The following LRMDA variants were observed in gnomAD, a reference collection of about 807,000 sequenced individuals.
LRMDA encodes leucine rich melanocyte differentiation associated, also known as leucine-rich melanocyte differentiation-associated protein.
A neutral mutation model predicts 29.8 loss-of-function variants in LRMDA; 18 were observed. The ratio of observed to expected loss-of-function variants is 0.60; its 90% CI spans 0.42 to 0.90. The LOEUF (loss-of-function observed/expected upper bound fraction) is 0.90. Among genes scored for constraint, LRMDA ranks in the 40% least tolerant of loss-of-function variants. The pLI, the probability that LRMDA is intolerant of heterozygous loss-of-function variation, is 0.00. For missense variants in LRMDA, 273 were observed against 273.9 expected, an observed-to-expected ratio of 1.00 and a Z score of 0.02; for synonymous variants, 125 against 109.4, an observed-to-expected ratio of 1.14 and a Z score of -0.89.
intron 6 of LRMDA, among the ~76,000 whole-genome samples, chr10:76,353,099 C>A (rs1841197666): frequency 6.6e-6 from 1 of 152,060 alleles, no homozygotes; most frequent in Non-Finnish European, 1.5e-5. Context: ...TCCTTTGGTT[C>A]TAGCAGGTCT....
intron 5 of LRMDA, among the ~76,000 whole-genome samples, chr10:76,175,748 C>T (rs1021838021): frequency 6.6e-6 from 1 of 152,184 alleles, no homozygotes. Context: ...AAGGGCAGGG[C>T]AGACCCTGCA....
At chr10:75,678,474 C>T (rs975614062) in intron 2 of LRMDA, among the ~76,000 whole-genome samples, 1 of 152,150 alleles carries the variant, frequency 6.6e-6, no homozygotes, top group Non-Finnish European at 1.5e-5. Context: ...AATCCTGATG[C>T]TCTCATTTAT....
intron 6 of LRMDA, among the ~76,000 whole-genome samples, chr10:76,413,950 A>G (rs1219822996): frequency 6.6e-6 from 1 of 152,236 alleles, no homozygotes; most frequent in Non-Finnish European, 1.5e-5. Context: ...ACAATTTTGC[A>G]AACAAGGACT....
intron 2 of LRMDA, among the ~76,000 whole-genome samples, chr10:75,474,940 C>T (rs867666318): frequency 2.0e-5 from 3 of 152,122 alleles, no homozygotes; most frequent in Admixed American, 6.5e-5. Flanking sequence ...ACTGCAGGGC[C>T]GGTGTTGCTG....
chr10:75,945,079 G>A (rs906110622), intron 2 of LRMDA, among the ~76,000 whole-genome samples: 9 of 152,076 alleles, frequency 5.9e-5, no homozygotes, highest in African/African-American at 2.2e-4. Context: ...GGACATTGTA[G>A]ACAATACATT....
intron 1 of LRMDA, among the ~76,000 whole-genome samples, chr10:75,434,538 G>A (rs1844243855): frequency 1.3e-5 from 2 of 152,198 alleles, no homozygotes; most frequent in African/African-American, 4.8e-5. Flanking sequence ...AATCAGATTT[G>A]TACCTATGGT....
intron 2 of LRMDA, among the ~76,000 whole-genome samples, chr10:75,580,777 C>A (rs970256267): frequency 6.6e-6 from 1 of 152,164 alleles, no homozygotes; most frequent in East Asian, 1.9e-4. Context: ...CATCTACAAC[C>A]ATCTAGTCTT....
intron 5 of LRMDA, among the ~76,000 whole-genome samples, chr10:76,300,568 G>C (rs1468827820): frequency 6.6e-6 from 1 of 152,320 alleles, no homozygotes; most frequent in South Asian, 2.1e-4. Context: ...CAGTGTAACA[G>C]GTTCTCTGTC....
chr10:75,856,829 C>G (rs530834272), intron 2 of LRMDA, among the ~76,000 whole-genome samples: 3 of 152,060 alleles, frequency 2.0e-5, no homozygotes, highest in African/African-American at 7.2e-5. Flanking sequence ...AAGTTCTGGC[C>G]AGGGCAATCA....
At chr10:75,735,853 C>T (rs997545938) in intron 2 of LRMDA, among the ~76,000 whole-genome samples, 3 of 152,166 alleles carry the variant, frequency 2.0e-5, no homozygotes, top group East Asian at 1.9e-4. Context: ...ATCTACGGAT[C>T]GTGTGTGAGA....
intron 6 of LRMDA, among the ~76,000 whole-genome samples, chr10:76,393,081 T>A (rs1216599716): frequency 1.3e-5 from 2 of 152,166 alleles, no homozygotes; most frequent in Admixed American, 6.5e-5. Context: ...AATCCATTCA[T>A]TCATTGATGG....
intron 2 of LRMDA, among the ~76,000 whole-genome samples, chr10:75,489,981 T>C (rs751261133): frequency 3.1e-4 from 47 of 152,218 alleles, no homozygotes; most frequent in Non-Finnish European, 5.7e-4. Flanking sequence ...GGGATATTGA[T>C]AGAGGCAGTA....
intron 5 of LRMDA, among the ~76,000 whole-genome samples, chr10:76,228,487 G>A (rs1176915781): frequency 6.6e-6 from 1 of 152,128 alleles, no homozygotes; most frequent in Non-Finnish European, 1.5e-5. Context: ...CATAGGATTG[G>A]CGTTTTTCAG....
At chr10:75,916,745 T>C (rs1457769196) in intron 2 of LRMDA, among the ~76,000 whole-genome samples, 2 of 152,216 alleles carry the variant, frequency 1.3e-5, no homozygotes, top group Non-Finnish European at 2.9e-5. Flanking sequence ...CATCTCCAGG[T>C]GCGAAAACAC....
intron 2 of LRMDA, among the ~76,000 whole-genome samples, chr10:76,027,838 G>T (rs1848086487): frequency 6.6e-6 from 1 of 152,136 alleles, no homozygotes; most frequent in South Asian, 2.1e-4. Context: ...CATGAAAATT[G>T]TACTGGCTCA....
intron 2 of LRMDA, among the ~76,000 whole-genome samples, chr10:75,448,362 C>T (rs1011045061): frequency 6.6e-6 from 1 of 152,166 alleles, no homozygotes; most frequent in African/African-American, 2.4e-5. Flanking sequence ...CGCACTGCCC[C>T]ACCCTCTCCC....
intron 2 of LRMDA, among the ~76,000 whole-genome samples, chr10:75,697,822 T>C (rs980626477): frequency 1.3e-5 from 2 of 149,172 alleles, no homozygotes; most frequent in African/African-American, 2.5e-5. Context: ...CTCTGTATTA[T>C]GTGCATGTAA....
intron 5 of LRMDA, among the ~76,000 whole-genome samples, chr10:76,284,641 T>C (rs977411390): frequency 2.0e-5 from 3 of 152,194 alleles, no homozygotes; most frequent in African/African-American, 7.2e-5. Flanking sequence ...TTTTGTATTA[T>C]TTGTTTAAGA....
chr10:76,058,578 T>C, intron 4 of LRMDA, 88 bp from the exon 5 acceptor site: 1 of 1,053,192 alleles, frequency 9.5e-7, no homozygotes, highest in East Asian at 2.4e-5. Flanking sequence ...GACCGGATGG[T>C]GTGGATTCTT....
Sources: gnomAD v4.1 joint callset for allele counts (sites outside exome capture counted in the v4.1 genomes callset) on GRCh38, gnomAD v4.1.1 for gene constraint, MANE v1.5 for transcripts, NCBI Gene and HGNC (gene_info 2026-07-23, HGNC 2026-07-21) for gene names.